Variants in AHI1 observed in about 807,000 individuals in gnomAD.
The protein encoded by AHI1 is Abelson helper integration site 1.
Under a neutral mutation model 149.3 loss-of-function variants are expected in AHI1, and 123 were observed. The observed-to-expected ratio is 0.82, with a 90% CI of 0.71 to 0.96. AHI1 has a LOEUF of 0.96. AHI1 is among the 40% of genes least tolerant of loss of function. AHI1 has a pLI of 0.00. For missense variants in AHI1, 1,439 were observed against 1,422.7 expected, an observed-to-expected ratio of 1.01 and a Z score of -0.18; for synonymous variants, 475 against 459.8, an observed-to-expected ratio of 1.03 and a Z score of -0.42.
intron 24 of AHI1, among the ~76,000 whole-genome samples, chr6:135,333,169 T>C (rs1788854754): frequency 7.2e-5 from 11 of 152,178 alleles, no homozygotes; most frequent in Admixed American, 6.5e-4. Flanking sequence ...GAGCCAAATA[T>C]AAAGTAATAT....
intron 24 of AHI1, among the ~76,000 whole-genome samples, chr6:135,326,433 T>C (rs999264378): frequency 4.6e-5 from 7 of 152,192 alleles, no homozygotes; most frequent in Non-Finnish European, 1.0e-4. Context: ...TCTTCTTCTT[T>C]TTTAAAAAAA....
chr6:135,362,149 A>G (rs1793994640), intron 23 of AHI1, among the ~76,000 whole-genome samples: 3 of 151,220 alleles, frequency 2.0e-5, no homozygotes, highest in Admixed American at 2.0e-4. Flanking sequence ...TATATGTATA[A>G]AGAAAATGTG....
intron 23 of AHI1, among the ~76,000 whole-genome samples, chr6:135,368,441 A>G (rs1774512802): frequency 6.6e-6 from 1 of 152,170 alleles, no homozygotes; most frequent in East Asian, 1.9e-4. Flanking sequence ...GCAGGGCCAC[A>G]GAGCTCCCAA....
chr6:135,394,928 T>C, intron 22 of AHI1, 32 bp from the exon 23 acceptor site: 1 of 1,569,020 alleles, frequency 6.4e-7, no homozygotes, highest in Non-Finnish European at 8.7e-7. Context: ...GAAACTACAG[T>C]GTAATTTCCT....
intron 21 of AHI1, among the ~76,000 whole-genome samples, chr6:135,410,912 G>A (rs1417763982): frequency 3.3e-5 from 5 of 152,108 alleles, no homozygotes; most frequent in East Asian, 1.9e-4. Context: ...GCAGGATCTC[G>A]CCTCACTGAA....
At chr6:135,426,612 G>C (rs566927073) in intron 20 of AHI1, among the ~76,000 whole-genome samples, 32 of 151,546 alleles carry the variant, frequency 2.1e-4, no homozygotes, top group African/African-American at 7.7e-4. Flanking sequence ...CCTAATTTCA[G>C]GATAGAAATT....
At chr6:135,383,540 A>G (rs1777171230) in intron 23 of AHI1, among the ~76,000 whole-genome samples, 1 of 152,062 alleles carries the variant, frequency 6.6e-6, no homozygotes, top group South Asian at 2.1e-4. Context: ...CCCATTTTTC[A>G]TACCCAAAGC....
At chr6:135,489,936 T>G in intron 5 of AHI1, 2 of 348,096 alleles carry the variant, frequency 5.7e-6, no homozygotes, top group Non-Finnish European at 1.0e-5. Flanking sequence ...CACAAGAGCC[T>G]GTTTATTTTT....
At chr6:135,448,510 A>T (rs189523623) in intron 11 of AHI1, 35 bp from the exon 12 acceptor site, 1 of 1,379,724 alleles carries the variant, frequency 7.2e-7, no homozygotes, top group Non-Finnish European at 9.6e-7. Context: ...TGTTACCTTC[A>T]TTGAAAATAA....
chr6:135,469,993 G>A (rs755123384), intron 5 of AHI1, among the ~76,000 whole-genome samples: 57 of 152,240 alleles, frequency 3.7e-4, no homozygotes, highest in South Asian at 1.5e-3. Context: ...CAGAGCTTCT[G>A]CACAGCAAAA....
intron 26 of AHI1, among the ~76,000 whole-genome samples, chr6:135,315,539 C>A (rs1341542214): frequency 6.6e-6 from 1 of 152,154 alleles, no homozygotes; most frequent in Non-Finnish European, 1.5e-5. Flanking sequence ...CTCTTGTGTT[C>A]CTTTCACATT....
At chr6:135,353,797 C>A (rs1480854424) in intron 24 of AHI1, among the ~76,000 whole-genome samples, 1 of 151,958 alleles carries the variant, frequency 6.6e-6, no homozygotes, top group Non-Finnish European at 1.5e-5. Context: ...TTCAGAATAA[C>A]AAAATAAGAC....
At chr6:135,471,891 A>C (rs2128106521) in intron 5 of AHI1, among the ~76,000 whole-genome samples, 1 of 151,838 alleles carries the variant, frequency 6.6e-6, no homozygotes, top group African/African-American at 2.4e-5. Context: ...GGGCACCTGT[A>C]GTCCCAGCTA....
chr6:135,317,885 T>A (rs1786217732), intron 26 of AHI1, among the ~76,000 whole-genome samples: 1 of 152,212 alleles, frequency 6.6e-6, no homozygotes, highest in Non-Finnish European at 1.5e-5. Flanking sequence ...AGGGAAGAGC[T>A]AATTTAATAT....
At chr6:135,332,070 G>GTTT (rs1347099809) in intron 24 of AHI1, among the ~76,000 whole-genome samples, 5 of 136,692 alleles carry the variant, frequency 3.7e-5, no homozygotes, top group Admixed American at 1.5e-4. Context: ...TCAGGTTTAG[G>GTTT]TTTTTTTTTT....
chr6:135,335,431 T>C (rs1789228758), intron 24 of AHI1, among the ~76,000 whole-genome samples: 1 of 151,814 alleles, frequency 6.6e-6, no homozygotes, highest in Non-Finnish European at 1.5e-5. Context: ...GAGAGAATAA[T>C]GAATAAAAGA....
chr6:135,497,727 A>T lies in AHI1; in HGVS notation c.-346T>A, dbSNP rs888492509. 5.8e-6 allele frequency: 1 copy of T among 171,754 alleles called. No individual in the cohort carries two copies. Among genetic ancestry groups the T allele is most frequent in the African/African-American group, 2.4e-5 (1 of 41,562 alleles). 10.6% of individuals were successfully genotyped at this position (171,754 alleles called of 1,614,324 possible). A position where few individuals can be genotyped will look rare whatever the true frequency, so the allele number is the denominator to read the frequency against. On this transcript the variant is annotated 5_prime_UTR_variant, in exon 1 of 29. The change creates a new upstream start codon in the 5' untranslated region. Coordinates refer to ENST00000265602, the MANE Select transcript of AHI1 (RefSeq NM_001134831.2). ...GCCAGCGACCCGTGTCCTGAAAGCA[A>T]GCCGCGGCTCTGTGCCGCAGTGCGG...
chr6:135,383,153 A>G (rs2128470453), intron 23 of AHI1, among the ~76,000 whole-genome samples: 1 of 147,900 alleles, frequency 6.8e-6, no homozygotes, highest in East Asian at 2.0e-4. Context: ...ATATATAAAT[A>G]TATACACTGT....
At chr6:135,457,049 T>C (rs949745634) in intron 9 of AHI1, among the ~76,000 whole-genome samples, 1 of 152,090 alleles carries the variant, frequency 6.6e-6, no homozygotes, top group African/African-American at 2.4e-5. Context: ...TCCCAGCACT[T>C]TGGGAGGGTG....
Sources: allele counts gnomAD v4.1 joint callset (sites outside exome capture counted in the v4.1 genomes callset), GRCh38; gene constraint gnomAD v4.1.1; transcripts MANE v1.5; gene names NCBI Gene and HGNC (gene_info 2026-07-23, HGNC 2026-07-21).